RIC1: variants seen among roughly 807,000 people sequenced by gnomAD.
RIC1 encodes RIC1 partner of RAB6A GEF complex, also known as guanine nucleotide exchange factor subunit RIC1.
A neutral mutation model predicts 169.0 loss-of-function variants in RIC1; 88 were observed. The observed-to-expected ratio is 0.52, with a 90% CI of 0.44 to 0.62. The LOEUF is 0.62. Ranked by LOEUF, RIC1 falls within the 20% of genes least tolerant of loss-of-function variation. The pLI, the probability that RIC1 is intolerant of heterozygous loss-of-function variation, is 0.00. For missense variants in RIC1, 1,877 were observed against 1,725.5 expected, an observed-to-expected ratio of 1.09 and a Z score of -1.56; for synonymous variants, 790 against 601.5, an observed-to-expected ratio of 1.31 and a Z score of -4.59.
At chr9:5,729,431 C>G (rs1824219821) in intron 6 of RIC1, among the ~76,000 whole-genome samples, 1 of 152,142 alleles carries the variant, frequency 6.6e-6, no homozygotes, top group Non-Finnish European at 1.5e-5. Flanking sequence ...TTCGTGTACC[C>G]TACAACTTAA....
intron 1 of RIC1, among the ~76,000 whole-genome samples, chr9:5,630,698 C>T (rs555252119): frequency 2.0e-5 from 3 of 152,120 alleles, no homozygotes; most frequent in African/African-American, 7.2e-5. Flanking sequence ...ATCGTAATAC[C>T]AACAATATGA....
At chr9:5,717,028 C>G (rs1037074933) in intron 4 of RIC1, among the ~76,000 whole-genome samples, 9 of 152,174 alleles carry the variant, frequency 5.9e-5, no homozygotes, top group Non-Finnish European at 8.8e-5. Flanking sequence ...ATATATCTAT[C>G]TCTTCCTGTA....
Position 5,629,894 on chromosome 9 carries a change from T to A in RIC1, c.144+441T>A, listed in dbSNP as rs189965264. Among the ~76,000 whole-genome samples, 120 of 152,352 alleles carry A rather than the reference T, an allele frequency of 7.9e-4. 1 individual carries two copies. The highest frequency in any genetic ancestry group is 2.8e-3 in the African/African-American group (117 of 41,578). On this transcript the variant is annotated intron_variant, in intron 1 of 25. Coordinates refer to ENST00000414202, the MANE Select transcript of RIC1 (RefSeq NM_020829.4). The stretch of plus-strand genomic sequence containing the variant: ...TGGAGTTAGGGAAAGCCTCTTGGGC[T>A]TTACCCAGCGCCAGACTTTACAGGC...
chr9:5,675,416 C>G (rs1291449803), intron 2 of RIC1, among the ~76,000 whole-genome samples: 1 of 152,042 alleles, frequency 6.6e-6, no homozygotes, highest in Non-Finnish European at 1.5e-5. Flanking sequence ...CATATCGATT[C>G]TTTGAAGAGA....
At position 5,773,939 on chromosome 9, in the gene RIC1, G is replaced by GT. The variant is rs771428108; in HGVS notation, c.3984-11dup. 39 of 1,541,146 alleles carry GT rather than the reference G, an allele frequency of 2.5e-5. No homozygotes were observed. The highest frequency in any genetic ancestry group is 1.7e-4 in the Middle Eastern group (1 of 5,720). ...TTTGAATTATGGCAGATGAGCTAAT[G>GT]TTTTTTTTCTCTACATAGTCCTGGA... On this transcript the variant is annotated intron_variant, in intron 25 of 25. Transcript: ENST00000414202.
intron 2 of RIC1, among the ~76,000 whole-genome samples, chr9:5,670,589 T>G (rs1412028078): frequency 6.6e-6 from 1 of 152,242 alleles, no homozygotes; most frequent in Non-Finnish European, 1.5e-5. Flanking sequence ...TTTTATGATT[T>G]TTTGAGTCAT....
chr9:5,644,313 A>G lies in RIC1; in HGVS notation c.145-12270A>G, dbSNP rs73390682. ...AGAATTTTCATATCATTGGAATCAT[A>G]TGGTATATGGTCATTTGTGTTTGGT... On this transcript the variant is annotated intron_variant, in intron 1 of 25. Transcript: ENST00000414202. 5.9e-3 allele frequency among the ~76,000 whole-genome samples: 894 copies of G among 152,262 alleles called. 10 individuals carry two copies. The highest frequency in any genetic ancestry group is 0.02 in the African/African-American group (838 of 41,544).
intron 1 of RIC1, among the ~76,000 whole-genome samples, chr9:5,631,669 G>C (rs1261485795): frequency 7.3e-6 from 1 of 137,158 alleles, no homozygotes; most frequent in Non-Finnish European, 1.5e-5. Flanking sequence ...CCTGGCGACA[G>C]AGCAAGACTC....
intron 3 of RIC1, among the ~76,000 whole-genome samples, chr9:5,706,198 G>A (rs758745714): frequency 3.3e-5 from 5 of 152,130 alleles, no homozygotes; most frequent in Non-Finnish European, 7.4e-5. Context: ...GTGGCTTAAC[G>A]CCTGTAATCC....
intron 17 of RIC1, among the ~76,000 whole-genome samples, chr9:5,758,425 GAA>G (rs1291615050): frequency 6.6e-6 from 1 of 152,106 alleles, no homozygotes; most frequent in Non-Finnish European, 1.5e-5. Flanking sequence ...AAAATAATTA[GAA>G]AACAGACTAG....
chr9:5,686,664 T>C (rs1279889768), intron 2 of RIC1, among the ~76,000 whole-genome samples: 36 of 149,578 alleles, frequency 2.4e-4, no homozygotes, highest in Admixed American at 2.4e-3. Flanking sequence ...CACTGGGAGA[T>C]ATACCTAAGG....
chr9:5,671,689 A>G (rs1820116925), intron 2 of RIC1, among the ~76,000 whole-genome samples: 1 of 152,222 alleles, frequency 6.6e-6, no homozygotes, highest in South Asian at 2.1e-4. Context: ...TAATTTCTAA[A>G]TTCTGAGAAG....
At chr9:5,767,672 C>G (rs979458777) in intron 21 of RIC1, among the ~76,000 whole-genome samples, 1 of 152,180 alleles carries the variant, frequency 6.6e-6, no homozygotes, top group Admixed American at 6.5e-5. Context: ...ATCGCAATCT[C>G]CGCCTCCCAG....
intron 3 of RIC1, among the ~76,000 whole-genome samples, chr9:5,699,067 A>G (rs760490056): frequency 1.3e-5 from 2 of 152,228 alleles, no homozygotes; most frequent in African/African-American, 4.8e-5. Context: ...CATTTATACA[A>G]TACTTGAAAA....
intron 2 of RIC1, among the ~76,000 whole-genome samples, chr9:5,668,991 G>GT (rs1819940802): frequency 6.6e-6 from 1 of 152,174 alleles, no homozygotes; most frequent in East Asian, 1.9e-4. Flanking sequence ...ACTGGACTGA[G>GT]TATTATGTTG....
intron 1 of RIC1, among the ~76,000 whole-genome samples, chr9:5,630,217 A>G (rs1817653243): frequency 6.6e-6 from 1 of 152,200 alleles, no homozygotes; most frequent in Non-Finnish European, 1.5e-5. Flanking sequence ...CTTGTATTGA[A>G]TTACTGAGTA....
chr9:5,631,235 C>G (rs1817700553), intron 1 of RIC1, among the ~76,000 whole-genome samples: 1 of 152,324 alleles, frequency 6.6e-6, no homozygotes, highest in East Asian at 1.9e-4. Flanking sequence ...TCATACTCTT[C>G]TTTCAAATTC....
intron 1 of RIC1, among the ~76,000 whole-genome samples, chr9:5,631,661 T>C (rs1001033287): frequency 1.5e-5 from 2 of 136,468 alleles, no homozygotes; most frequent in African/African-American, 2.8e-5. Context: ...CACTCCAGCC[T>C]GGCGACAGAG....
intron 21 of RIC1, among the ~76,000 whole-genome samples, chr9:5,768,464 G>T (rs891747966): frequency 3.3e-5 from 5 of 152,064 alleles, no homozygotes; most frequent in African/African-American, 1.2e-4. Context: ...GGAGTTTGAG[G>T]TTGCAGTGAG....
Sources: gnomAD v4.1 joint callset for allele counts (sites outside exome capture counted in the v4.1 genomes callset) on GRCh38, gnomAD v4.1.1 for gene constraint, MANE v1.5 for transcripts, NCBI Gene and HGNC (gene_info 2026-07-23, HGNC 2026-07-21) for gene names.